The following TBC1D14 variants were observed in gnomAD, a reference collection of about 807,000 sequenced individuals.
TBC1D14 encodes the protein TBC1 domain family, member 14.
Under a neutral mutation model 79.0 loss-of-function variants are expected in TBC1D14, and 26 were observed. The ratio of observed to expected loss-of-function variants is 0.33; its 90% confidence interval spans 0.24 to 0.46. The LOEUF (loss-of-function observed/expected upper bound fraction) is 0.46, where lower values mean the gene tolerates loss of function less well. Ranked by LOEUF, TBC1D14 falls within the 20% of genes least tolerant of loss-of-function variation. The pLI, the probability that TBC1D14 is intolerant of heterozygous loss-of-function variation, is 1.00. For synonymous variants in TBC1D14, 394 were observed against 349.9 expected, an observed-to-expected ratio of 1.13 and a Z score of -1.40; for missense variants, 769 against 887.6, an observed-to-expected ratio of 0.87 and a Z score of 1.70.
intron 3 of TBC1D14, among the ~76,000 whole-genome samples, chr4:6,988,885 C>CTTTTTTTTTTTTTT (rs34268749): frequency 8.6e-4 from 66 of 76,822 alleles, no homozygotes; most frequent in South Asian, 2.3e-3. Context: ...TTCTTTCTTT[C>CTTTTTTTTTTTTTT]TTTTTTTTTT....
In TBC1D14 at chr4:7,009,931, C is replaced by G; in HGVS notation, c.1501C>G (p.Arg501Gly). 1 of 1,614,080 alleles carries G rather than the reference C, an allele frequency of 6.2e-7. No individual in the cohort carries two copies. Among genetic ancestry groups the G allele is most frequent in the Non-Finnish European group, 8.5e-7 (1 of 1,180,014 alleles). The part of the protein sequence containing the change: ...HSILGAYTCY[R>G]PDVGYVQGMS... ...TATTTTGGGCGCTTATACTTGTTACCGGCCAGATGTGGGTTATGTAAGTGA... is the reference window on the plus strand; with the variant it reads ...TATTTTGGGCGCTTATACTTGTTACGGGCCAGATGTGGGTTATGTAAGTGA... Residue 501 changes from arginine (R) to glycine (G), a missense_variant, in exon 10 of 14, where the codon CGG (arginine) becomes GGG (glycine). Arg to Gly is a moderately radical substitution (Grantham distance 125, BLOSUM62 -2). Around this residue, in one of 2 missense-constraint regions of TBC1D14, gnomAD observed 367 missense variants for 494.4 expected, o/e 0.74. Coordinates refer to ENST00000409757, the MANE Select transcript of TBC1D14 (RefSeq NM_020773.3).
chr4:6,959,009 A>G (rs974489411), intron 2 of TBC1D14, among the ~76,000 whole-genome samples: 90 of 151,786 alleles, frequency 5.9e-4, no homozygotes, highest in Admixed American at 2.5e-3. Context: ...TCAGCCTCCC[A>G]AGTAGCTGGG....
chr4:6,988,353 G>T (rs1301540461), intron 3 of TBC1D14, among the ~76,000 whole-genome samples: 1 of 152,238 alleles, frequency 6.6e-6, no homozygotes. Context: ...TGGCTCTGCA[G>T]CTTATGCTGG....
Position 7,001,248 on chromosome 4 carries a change from C to T in TBC1D14, c.1267C>T (p.His423Tyr). ...LAIGNELNIT[H>Y]ELFDICLARA... Reference sequence around the variant, plus strand: ...CATTGGCAACGAGTTAAATATCACCCACGGTGAGTGGCCTGCATGATCCTG... The same window carrying T: ...CATTGGCAACGAGTTAAATATCACCTACGGTGAGTGGCCTGCATGATCCTG... Residue 423 changes from histidine to tyrosine, a missense_variant, in exon 7 of 14, where the codon CAC (histidine) becomes TAC (tyrosine). By Grantham distance (83) the His-to-Tyr change is moderately conservative (BLOSUM62 2). Around this residue, in one of 2 missense-constraint regions of TBC1D14, gnomAD observed 367 missense variants for 494.4 expected, o/e 0.74. Coordinates refer to ENST00000409757, the MANE Select transcript of TBC1D14 (RefSeq NM_020773.3). 1 of 1,613,208 alleles carries T rather than the reference C, an allele frequency of 6.2e-7. No homozygotes were observed. The highest frequency in any genetic ancestry group is 1.3e-5 in the African/African-American group (1 of 75,020).
intron 3 of TBC1D14, among the ~76,000 whole-genome samples, chr4:6,967,880 T>C (rs1715841469): frequency 6.6e-6 from 1 of 152,180 alleles, no homozygotes; most frequent in African/African-American, 2.4e-5. Flanking sequence ...TCTCCCTTGC[T>C]CACCCTGAGG....
intron 12 of TBC1D14, among the ~76,000 whole-genome samples, chr4:7,019,054 G>A (rs1282351417): frequency 6.6e-6 from 1 of 151,944 alleles, no homozygotes; most frequent in African/African-American, 2.4e-5. Context: ...ATGGAGTCTC[G>A]CACTTTCACC....
intron 3 of TBC1D14, among the ~76,000 whole-genome samples, chr4:6,973,902 C>G (rs998832988): frequency 6.6e-6 from 1 of 152,142 alleles, no homozygotes; most frequent in African/African-American, 2.4e-5. Flanking sequence ...TGGCTTACTG[C>G]AACCTCCACC....
At chr4:7,016,840 GT>G (rs1480953189) in intron 12 of TBC1D14, among the ~76,000 whole-genome samples, 2 of 152,234 alleles carry the variant, frequency 1.3e-5, no homozygotes, top group African/African-American at 4.8e-5. Flanking sequence ...CTGGAGAATA[GT>G]GTTGTCTGCT....
At chr4:6,913,024 G>C (rs1723129599) in intron 1 of TBC1D14, among the ~76,000 whole-genome samples, 2 of 152,164 alleles carry the variant, frequency 1.3e-5, no homozygotes, top group South Asian at 2.1e-4. Flanking sequence ...ACAGCGTTTC[G>C]CTCTTGTTGC....
At chr4:6,969,219 G>C (rs1461658875) in intron 3 of TBC1D14, among the ~76,000 whole-genome samples, 1 of 152,164 alleles carries the variant, frequency 6.6e-6, no homozygotes, top group Non-Finnish European at 1.5e-5. Context: ...TACAATTAAA[G>C]TATGATGAGT....
rs1365533951 is a variant in TBC1D14 at position 7,025,269 on chromosome 4, G to A, written c.2016+7G>A. 7 of 1,613,910 alleles carry A rather than the reference G, an allele frequency of 4.3e-6. No individual in the cohort carries two copies. Among genetic ancestry groups the A allele is most frequent in the Non-Finnish European group, 5.9e-6 (7 of 1,179,916 alleles). On this transcript the variant is annotated splice_region_variant and intron_variant, in intron 13 of 13. Transcript: ENST00000409757. The stretch of plus-strand genomic sequence containing the variant: ...AAACAAGAAGTGGGCTCAGGTCAGC[G>A]GGCTTTGTGTTCTTGGCTTCCCACA...
At chr4:7,020,417 A>C (rs1433247247) in intron 12 of TBC1D14, among the ~76,000 whole-genome samples, 1 of 152,204 alleles carries the variant, frequency 6.6e-6, no homozygotes. Context: ...AGCACTGTCT[A>C]ATCTAACTGT....
intron 2 of TBC1D14, among the ~76,000 whole-genome samples, chr4:6,941,967 G>A (rs1049238300): frequency 6.6e-6 from 1 of 152,184 alleles, no homozygotes. Context: ...GAACTGGTGT[G>A]GGACCACAGG....
chr4:6,913,866 T>A (rs1723188860), intron 1 of TBC1D14, among the ~76,000 whole-genome samples: 2 of 152,146 alleles, frequency 1.3e-5, no homozygotes, highest in South Asian at 4.1e-4. Context: ...CTGTGGCTCA[T>A]GCCTCTAATC....
intron 2 of TBC1D14, among the ~76,000 whole-genome samples, chr4:6,929,569 A>G (rs942124755): frequency 2.0e-4 from 31 of 152,154 alleles, no homozygotes; most frequent in Non-Finnish European, 5.9e-5. Context: ...GAGAGAGCCC[A>G]GCCTTCCTGG....
At chr4:6,909,777 G>C (rs1378337626), upstream of TBC1D14, 2 of 148,908 alleles carry the variant, frequency 1.3e-5, no homozygotes, top group Non-Finnish European at 3.0e-5. Context: ...CGAGGGGGCG[G>C]GGCGAAGCGA....
At chr4:6,932,253 G>A (rs141071796) in intron 2 of TBC1D14, among the ~76,000 whole-genome samples, 1 of 151,944 alleles carries the variant, frequency 6.6e-6, no homozygotes, top group Non-Finnish European at 1.5e-5. Context: ...CCAGCTACTC[G>A]AGAGGCTGAG....
At chr4:6,999,849 G>C (rs966432947) in intron 6 of TBC1D14, among the ~76,000 whole-genome samples, 2 of 152,172 alleles carry the variant, frequency 1.3e-5, no homozygotes, top group African/African-American at 4.8e-5. Flanking sequence ...GTGTCCAGTA[G>C]AGTGCACCTG....
chr4:6,944,841 C>A (rs568693987), intron 2 of TBC1D14, among the ~76,000 whole-genome samples: 25 of 152,316 alleles, frequency 1.6e-4, no homozygotes, highest in Middle Eastern at 3.4e-3. Flanking sequence ...TTCTCACTAT[C>A]CCCGGGGCAG....
Sources: gnomAD v4.1 joint callset for allele counts (sites outside exome capture counted in the v4.1 genomes callset) on GRCh38, gnomAD v4.1.1 for gene constraint, gnomAD v4.1.1 regional missense constraint, MANE v1.5 for transcripts, NCBI Gene and HGNC (gene_info 2026-07-23, HGNC 2026-07-21) for gene names.